C12orf54: variants seen among roughly 807,000 people sequenced by gnomAD.
C12orf54 encodes chromosome 12 open reading frame 54, also known as uncharacterized protein C12orf54.
C12orf54 carries 24 observed loss-of-function variants against 26.4 expected under a neutral mutation model. That is an observed-to-expected ratio of 0.91 (90% CI 0.66 to 1.28). C12orf54 has a LOEUF of 1.28. Among genes scored for constraint, C12orf54 ranks in the 50% most tolerant of loss-of-function variants. C12orf54 has a pLI of 0.00. For missense variants in C12orf54, 154 were observed against 150.9 expected, an observed-to-expected ratio of 1.02 and a Z score of -0.11; for synonymous variants, 54 against 47.0, an observed-to-expected ratio of 1.15 and a Z score of -0.61.
chr12:48,426,533 G>C, the C12orf54 span, among the ~76,000 whole-genome samples: 4 of 152,184 alleles, frequency 2.6e-5, no homozygotes, highest in Admixed American at 2.0e-4. Context: ...CTCCAGCTTT[G>C]TTCTTTTTGC....
At chr12:48,465,205 A>T in the C12orf54 span, among the ~76,000 whole-genome samples, 7 of 152,208 alleles carry the variant, frequency 4.6e-5, no homozygotes, top group Non-Finnish European at 1.0e-4. Flanking sequence ...TAAGGAACTT[A>T]AACAAATTTA....
At chr12:48,476,419 C>G in the C12orf54 span, among the ~76,000 whole-genome samples, 9 of 151,676 alleles carry the variant, frequency 5.9e-5, no homozygotes, top group Admixed American at 1.3e-4. Flanking sequence ...TGTAAATGGG[C>G]TAAATGCTCC....
chr12:48,421,974 A>G, the C12orf54 span, among the ~76,000 whole-genome samples: 1 of 152,216 alleles, frequency 6.6e-6, no homozygotes, highest in Non-Finnish European at 1.5e-5. Context: ...AGACTCTAAA[A>G]CAAAACTAAG....
At chr12:48,459,555 T>TA in the C12orf54 span, among the ~76,000 whole-genome samples, 5 of 151,742 alleles carry the variant, frequency 3.3e-5, no homozygotes, top group African/African-American at 9.7e-5. Flanking sequence ...GTCATGTGAG[T>TA]AAAAAAATAG....
intron 5 of C12orf54, among the ~76,000 whole-genome samples, chr12:48,489,953 C>T (rs1247923892): frequency 6.6e-6 from 1 of 152,002 alleles, no homozygotes; most frequent in African/African-American, 2.4e-5. Context: ...AACTCCTGAC[C>T]TCAGGTGATC....
chr12:48,449,134 G>A, the C12orf54 span, among the ~76,000 whole-genome samples: 1 of 152,202 alleles, frequency 6.6e-6, no homozygotes, highest in African/African-American at 2.4e-5. Flanking sequence ...TCCTTTTGAA[G>A]TCTCATAGTG....
intron 2 of C12orf54, among the ~76,000 whole-genome samples, chr12:48,484,647 AG>A (rs1954237629): frequency 6.6e-6 from 1 of 152,254 alleles, no homozygotes; most frequent in Non-Finnish European, 1.5e-5. Context: ...AAACAAGCTT[AG>A]GGTTGAGGTT....
intron 7 of C12orf54, among the ~76,000 whole-genome samples, chr12:48,493,376 G>A (rs2731107): frequency 2.0e-5 from 3 of 151,986 alleles, no homozygotes; most frequent in African/African-American, 7.2e-5. Flanking sequence ...TGGTTCACGC[G>A]TATAATCCCA....
chr12:48,414,161 T>G, the C12orf54 span, among the ~76,000 whole-genome samples: 1 of 152,262 alleles, frequency 6.6e-6, no homozygotes, highest in Non-Finnish European at 1.5e-5. Flanking sequence ...GCAGGCGCTT[T>G]CTGCTTCCTT....
At chr12:48,427,431 T>A in the C12orf54 span, among the ~76,000 whole-genome samples, 10 of 152,298 alleles carry the variant, frequency 6.6e-5, no homozygotes, top group South Asian at 1.4e-3. Flanking sequence ...TAAAGCCTAC[T>A]CGATTGTGGT....
the C12orf54 span, among the ~76,000 whole-genome samples, chr12:48,441,465 GA>G: frequency 1.3e-5 from 2 of 149,596 alleles, no homozygotes; most frequent in Non-Finnish European, 3.0e-5. Flanking sequence ...CGTCTTAAAA[GA>G]AAAAAAAATC....
In C12orf54 at chr12:48,495,853, T is replaced by C. The variant is rs550024768; in HGVS notation, c.*41-328T>C. ...TTTTATCATTAAGATTATATTTTGC[T>C]GAATGTAATACATACACTCACAAAA... is the stretch of plus-strand genomic sequence containing the variant. On this transcript the variant is annotated intron_variant, in intron 8 of 8. Transcript: ENST00000548364. Among the ~76,000 whole-genome samples, 13 of 152,344 alleles carry C rather than the reference T, an allele frequency of 8.5e-5. No individual in the cohort carries two copies. In the East Asian group the frequency reaches 1.9e-3, roughly 23 times the overall value.
chr12:48,437,273 A>C, the C12orf54 span, among the ~76,000 whole-genome samples: 1 of 152,152 alleles, frequency 6.6e-6, no homozygotes, highest in Non-Finnish European at 1.5e-5. Flanking sequence ...CTTACCAACT[A>C]AAAAAAGTCC....
the C12orf54 span, among the ~76,000 whole-genome samples, chr12:48,437,587 C>G: frequency 2.0e-5 from 3 of 152,220 alleles, 1 homozygote; most frequent in Non-Finnish European, 4.4e-5. Flanking sequence ...GGATGCAAGG[C>G]TGGTTCAACA....
At chr12:48,474,568 T>C in the C12orf54 span, among the ~76,000 whole-genome samples, 1 of 152,136 alleles carries the variant, frequency 6.6e-6, no homozygotes, top group Non-Finnish European at 1.5e-5. Flanking sequence ...CCAATGGGCT[T>C]AAAAAAAGCA....
chr12:48,450,810 A>G, the C12orf54 span, among the ~76,000 whole-genome samples: 1 of 152,132 alleles, frequency 6.6e-6, no homozygotes, highest in Admixed American at 6.6e-5. Context: ...ACCAATAACA[A>G]GTTCTGAAAT....
chr12:48,433,460 G>T, the C12orf54 span, among the ~76,000 whole-genome samples: 7 of 148,296 alleles, frequency 4.7e-5, no homozygotes, highest in South Asian at 4.4e-4. Context: ...TTTTTTGGGG[G>T]GGGGGGGGGC....
chr12:48,437,023 A>AAGAAC, the C12orf54 span, among the ~76,000 whole-genome samples: 1 of 5,604 alleles, frequency 1.8e-4, no homozygotes, highest in Non-Finnish European at 7.8e-4. Flanking sequence ...ACTAATAAAG[A>AAGAAC]AGAGAGAAGA....
At chr12:48,444,117 C>T in the C12orf54 span, among the ~76,000 whole-genome samples, 1 of 152,180 alleles carries the variant, frequency 6.6e-6, no homozygotes, top group Admixed American at 6.5e-5. Context: ...AGATCTCTTC[C>T]TTGATTCCTA....
Sources: allele counts gnomAD v4.1 joint callset (sites outside exome capture counted in the v4.1 genomes callset), GRCh38; gene constraint gnomAD v4.1.1; transcripts MANE v1.5; gene names NCBI Gene and HGNC (gene_info 2026-07-23, HGNC 2026-07-21).